The following ZDHHC5 variants were observed in gnomAD, a reference collection of about 807,000 sequenced individuals.
The protein encoded by ZDHHC5 is palmitoyltransferase ZDHHC5.
ZDHHC5 carries 22 observed loss-of-function variants against 70.0 expected under a neutral mutation model. The ratio of observed to expected loss-of-function variants is 0.31; its 90% CI spans 0.22 to 0.45. The LOEUF (loss-of-function observed/expected upper bound fraction) is 0.45. Ranked by LOEUF, ZDHHC5 falls within the 20% of genes least tolerant of loss-of-function variation. ZDHHC5 has a pLI of 1.00. For missense variants in ZDHHC5, 746 were observed against 926.9 expected, an observed-to-expected ratio of 0.80 and a Z score of 2.53; for synonymous variants, 313 against 347.8, an observed-to-expected ratio of 0.90 and a Z score of 1.11.
Position 57,682,709 on chromosome 11 carries a change from T to G in ZDHHC5, c.226+166T>G, listed in dbSNP as rs188541730. Among the ~76,000 whole-genome samples, 28 of 152,334 alleles carry G rather than the reference T, an allele frequency of 1.8e-4. No homozygotes were observed. In the East Asian group the frequency reaches 5.2e-3, roughly 28 times the overall value. On this transcript the variant is annotated intron_variant, in intron 3 of 11. Coordinates refer to ENST00000287169, the MANE Select transcript of ZDHHC5 (RefSeq NM_015457.3). ...CTTGGGCCTTAAAGTCCGGGGATTTTGGGATACTTTTATCATTTTCTGATG... is the reference window on the plus strand; with the variant it reads ...CTTGGGCCTTAAAGTCCGGGGATTTGGGGATACTTTTATCATTTTCTGATG...
At chr11:57,696,499 T>G (rs916162494) in intron 9 of ZDHHC5, among the ~76,000 whole-genome samples, 1 of 151,140 alleles carries the variant, frequency 6.6e-6, no homozygotes, top group African/African-American at 2.4e-5. Context: ...GAGGATTGCT[T>G]GAGCCCAGGA....
At chr11:57,687,918 A>G (rs1403342404) in intron 3 of ZDHHC5, among the ~76,000 whole-genome samples, 2 of 151,666 alleles carry the variant, frequency 1.3e-5, no homozygotes, top group Admixed American at 6.6e-5. Flanking sequence ...CTACAGGTGC[A>G]TGCCACCACA....
chr11:57,691,619 A>G (rs1408652793), intron 6 of ZDHHC5, among the ~76,000 whole-genome samples: 1 of 152,216 alleles, frequency 6.6e-6, no homozygotes, highest in African/African-American at 2.4e-5. Context: ...AATATAGCAT[A>G]AAGAATAAGA....
At chr11:57,687,755 AG>A (rs1207424535) in intron 3 of ZDHHC5, among the ~76,000 whole-genome samples, 2 of 114,648 alleles carry the variant, frequency 1.7e-5, no homozygotes, top group East Asian at 3.2e-4. Context: ...ATTTTGGGAA[AG>A]TTTTTTTTTT....
At chr11:57,686,829 G>A (rs1291434724) in intron 3 of ZDHHC5, among the ~76,000 whole-genome samples, 1 of 135,484 alleles carries the variant, frequency 7.4e-6, no homozygotes, top group Admixed American at 7.1e-5. Context: ...TTGTGTGTGT[G>A]TGTGTTTTTT....
At chr11:57,688,195 T>C (rs12786412) in intron 3 of ZDHHC5, among the ~76,000 whole-genome samples, 4,272 of 152,358 alleles carry the variant, frequency 0.028, 78 homozygotes, top group Non-Finnish European at 0.046. Context: ...TGCTTTGATA[T>C]GTAAACTATT....
chr11:57,680,074 A>G (rs186749926), intron 2 of ZDHHC5, among the ~76,000 whole-genome samples: 14 of 152,196 alleles, frequency 9.2e-5, no homozygotes, highest in African/African-American at 2.9e-4. Flanking sequence ...TCCCCAAGAA[A>G]CTGAGTTGCT....
chr11:57,681,809 G>T (rs1470907357), intron 2 of ZDHHC5: 1 of 152,142 alleles, frequency 6.6e-6, no homozygotes, highest in Non-Finnish European at 1.5e-5. Context: ...GTTTACTTCT[G>T]TGTCTTGATA....
chr11:57,679,312 C>G (rs1395680382), intron 2 of ZDHHC5, among the ~76,000 whole-genome samples: 1 of 152,146 alleles, frequency 6.6e-6, no homozygotes, highest in Admixed American at 6.5e-5. Context: ...CTGGTGCCCA[C>G]CACCACGCCC....
intron 2 of ZDHHC5, among the ~76,000 whole-genome samples, chr11:57,679,073 T>C (rs1200753608): frequency 6.6e-6 from 1 of 152,176 alleles, no homozygotes; most frequent in Non-Finnish European, 1.5e-5. Flanking sequence ...TGTAACAGGA[T>C]GCATTAGGGA....
Position 57,700,778 on chromosome 11 carries a change from G to A in ZDHHC5, c.*747G>A, listed in dbSNP as rs1380323737. 6.6e-6 allele frequency: 1 copy of A among 152,640 alleles called. No homozygotes were observed. The highest frequency in any genetic ancestry group is 1.5e-5 in the Non-Finnish European group (1 of 68,060). 9.5% of individuals were successfully genotyped at this position (152,640 alleles called of 1,614,324 possible). On this transcript the variant is annotated 3_prime_UTR_variant, in exon 12 of 12. Coordinates refer to ENST00000287169, the MANE Select transcript of ZDHHC5 (RefSeq NM_015457.3). ...AACTTCAAGACACTGGTGGTGGTGG[G>A]AGATCAGGAAAATAACTTGGCCTAG...
chr11:57,695,176 T>C (rs576310887), intron 8 of ZDHHC5, among the ~76,000 whole-genome samples: 1 of 151,570 alleles, frequency 6.6e-6, no homozygotes, highest in South Asian at 2.1e-4. Context: ...GTAGGAGAAT[T>C]GCTTGAACCC....
At chr11:57,670,814 C>T (rs1945996319) in intron 1 of ZDHHC5, among the ~76,000 whole-genome samples, 1 of 140,286 alleles carries the variant, frequency 7.1e-6, no homozygotes, top group Non-Finnish European at 1.5e-5. Context: ...TTATCTGAAT[C>T]TTCTGATTTT....
At chr11:57,695,431 C>A (rs1193361583) in intron 8 of ZDHHC5, among the ~76,000 whole-genome samples, 5 of 151,234 alleles carry the variant, frequency 3.3e-5, no homozygotes, top group East Asian at 1.9e-4. Flanking sequence ...AAAAAAAAAA[C>A]CCAACTTTTC....
rs1946429102 is a variant in ZDHHC5, at chr11:57,700,490, CAT to C, written c.*463_*464del. The C allele has an allele frequency of 6.6e-6, 1 of 151,386 alleles. No homozygotes were observed. Among genetic ancestry groups the C allele is most frequent in the African/African-American group, 2.4e-5 (1 of 41,098 alleles). 9.4% of individuals were successfully genotyped at this position (151,386 alleles called of 1,614,324 possible). A position where few individuals can be genotyped will look rare whatever the true frequency, so the allele number is the denominator to read the frequency against. The stretch of plus-strand genomic sequence containing the variant: ...GGGATGGGAAAATGAGGGAGGGATA[CAT>C]ATACGGAGGGGGATCTTACTCTTCC... On this transcript the variant is annotated 3_prime_UTR_variant, in exon 12 of 12. Transcript: ENST00000287169.
rs779135039 is a variant in ZDHHC5 at position 57,698,652 on chromosome 11, A to C, written c.1216A>C (p.Ser406Arg). 2 of 1,614,048 alleles carry C rather than the reference A, an allele frequency of 1.2e-6. No homozygotes were observed. Among genetic ancestry groups the C allele is most frequent in the East Asian group, 2.2e-5 (1 of 44,856 alleles). The change falls in exon 11 of 12, where the codon AGC becomes CGC. Residue 406 changes from serine (S) to arginine (R), a missense_variant. By Grantham distance (110) the Ser-to-Arg change is moderately radical (BLOSUM62 -1). Around this residue, in one of 6 missense-constraint regions of ZDHHC5, gnomAD observed 179 missense variants for 178.4 expected, o/e 1.00. Coordinates refer to ENST00000287169, the MANE Select transcript of ZDHHC5 (RefSeq NM_015457.3). Reference sequence around the variant, plus strand: ...CTCAGAGCCCAGCTTGGAACCAGAGAGCTTCCGTTCTCCTACCTTTGGCAA... The same window carrying C: ...CTCAGAGCCCAGCTTGGAACCAGAGCGCTTCCGTTCTCCTACCTTTGGCAA... ...YRSEPSLEPE[S>R]FRSPTFGKSF...
At chr11:57,682,676 C>T in intron 3 of ZDHHC5, 133 bp downstream of exon 3, 1 of 1,160,358 alleles carries the variant, frequency 8.6e-7, no homozygotes, top group Non-Finnish European at 1.2e-6. Context: ...TGGGCATACG[C>T]AGTTGATCTT....
rs555914167 is a variant in ZDHHC5, at chr11:57,699,962, T to C, written c.2079T>C (p.Ser693=). The part of the protein sequence containing the change: ...ASPGPGQPPL[S]SPTRGGVKKV... ...CTGGCCCAGGCCAGCCACCTCTCAG[T>C]AGCCCCACGAGGGGAGGAGTCAAGA... Residue 693 remains serine, a synonymous_variant, in exon 12 of 12, where the codon AGT becomes AGC. Transcript: ENST00000287169. The C allele has an allele frequency of 1.9e-6, 3 of 1,614,028 alleles. No homozygotes were observed. Among genetic ancestry groups the C allele is most frequent in the East Asian group, 4.5e-5 (2 of 44,882 alleles).
rs904827332 is a variant in ZDHHC5, at chr11:57,672,729, C to T, written c.-362C>T. The T allele has an allele frequency of 4.9e-6, 1 of 205,282 alleles. No individual in the cohort carries two copies. The highest frequency in any genetic ancestry group is 5.5e-5 in the Admixed American group (1 of 18,134). 12.7% of individuals were successfully genotyped at this position (205,282 alleles called of 1,614,324 possible). A position where few individuals can be genotyped will look rare whatever the true frequency, so the allele number is the denominator to read the frequency against. On this transcript the variant is annotated 5_prime_UTR_variant, in exon 2 of 12. Transcript: ENST00000287169. ...ACCTGCCTCCATCCATGAGCTGTAT[C>T]TTGATCTGTCTGACTGTCCATGTTT...
Sources: allele counts gnomAD v4.1 joint callset (sites outside exome capture counted in the v4.1 genomes callset), GRCh38; gene constraint gnomAD v4.1.1; regional missense constraint gnomAD v4.1.1; transcripts MANE v1.5; gene names NCBI Gene and HGNC (gene_info 2026-07-23, HGNC 2026-07-21).